Variants in SAV1 observed in about 807,000 individuals in gnomAD.
SAV1 encodes protein salvador homolog 1.
Under a neutral mutation model 47.3 loss-of-function variants are expected in SAV1, and 23 were observed. The ratio of observed to expected loss-of-function variants is 0.49; its 90% CI spans 0.35 to 0.69. The LOEUF (loss-of-function observed/expected upper bound fraction) is 0.69. SAV1 is among the 30% of genes least tolerant of loss of function. The pLI is 0.01. For synonymous variants in SAV1, 155 were observed against 159.2 expected (o/e 0.97, Z 0.20); for missense variants, 448 against 457.4 (o/e 0.98, Z 0.19).
At chr14:50,637,354 A>G (rs75804672) in intron 4 of SAV1, among the ~76,000 whole-genome samples, 1,630 of 152,316 alleles carry the variant, frequency 0.011, 27 homozygotes, top group African/African-American at 0.036. Context: ...AACATCCACC[A>G]TTCTTGTAAC....
chr14:50,640,022 C>A (rs145161273), intron 4 of SAV1, among the ~76,000 whole-genome samples: 1 of 152,202 alleles, frequency 6.6e-6, no homozygotes, highest in African/African-American at 2.4e-5. Context: ...CATGCTCTGT[C>A]ACCCAGGCTG....
At position 50,635,108 on chromosome 14, in the gene SAV1, A is replaced by C; in HGVS notation, c.*75T>G. Reference sequence around the variant, plus strand: ...AAAGGAAGCAGCATTTATTAACCAGAGTACTTGTTTGCAATTTTTTATCTG... The same window carrying C: ...AAAGGAAGCAGCATTTATTAACCAGCGTACTTGTTTGCAATTTTTTATCTG... On this transcript the variant is annotated 3_prime_UTR_variant, in exon 5 of 5. Coordinates refer to ENST00000324679, the MANE Select transcript of SAV1 (RefSeq NM_021818.4). 2.0e-6 allele frequency: 2 copies of C among 994,760 alleles called. No homozygotes were observed. The highest frequency in any genetic ancestry group is 3.1e-6 in the Non-Finnish European group (2 of 639,932). 61.6% of individuals were successfully genotyped at this position (994,760 alleles called of 1,614,324 possible).
chr14:50,651,124 A>T (rs1464614434), intron 2 of SAV1, among the ~76,000 whole-genome samples: 1 of 152,116 alleles, frequency 6.6e-6, no homozygotes, highest in Non-Finnish European at 1.5e-5. Flanking sequence ...TTCATGAGAG[A>T]TCCTGAGTCA....
At chr14:50,660,087 C>T (rs1010795088) in intron 2 of SAV1, among the ~76,000 whole-genome samples, 7 of 152,146 alleles carry the variant, frequency 4.6e-5, no homozygotes, top group African/African-American at 1.4e-4. Context: ...GACTGGTCTT[C>T]GAGATATTTT....
rs535541883 is a variant in SAV1 at position 50,639,299 on chromosome 14, C to G, written c.950+1451G>C. 2.0e-5 allele frequency among the ~76,000 whole-genome samples: 3 copies of G among 152,280 alleles called. No homozygotes were observed. The South Asian group carries it at 6.2e-4, about 32-fold the overall frequency. Reference sequence around the variant, plus strand: ...TAAAGAATTTCAGATTCTCAATTGTCTGAAAAACAAAAGGAAGAAACATGC... The same window carrying G: ...TAAAGAATTTCAGATTCTCAATTGTGTGAAAAACAAAAGGAAGAAACATGC... On this transcript the variant is annotated intron_variant, in intron 4 of 4. Coordinates refer to ENST00000324679, the MANE Select transcript of SAV1 (RefSeq NM_021818.4).
intron 2 of SAV1, among the ~76,000 whole-genome samples, chr14:50,652,864 C>T (rs1039745277): frequency 6.6e-6 from 1 of 152,146 alleles, no homozygotes; most frequent in Non-Finnish European, 1.5e-5. Context: ...AACTCCATCT[C>T]TACTGAATAT....
intron 2 of SAV1, among the ~76,000 whole-genome samples, chr14:50,663,687 C>T (rs184888921): frequency 2.8e-4 from 42 of 152,234 alleles, no homozygotes; most frequent in Non-Finnish European, 3.8e-4. Context: ...CCTAGATTTG[C>T]GTTTTCCTAT....
rs1467246204 is a variant in SAV1, at chr14:50,667,880, G to A, written c.88C>T (p.Leu30Phe). The A allele has an allele frequency of 2.5e-6, 4 of 1,612,970 alleles. No homozygotes were observed. Among genetic ancestry groups the A allele is most frequent in the Non-Finnish European group, 3.4e-6 (4 of 1,179,338 alleles). The change falls in exon 1 of 5, where the codon CTT becomes TTT. Residue 30 changes from leucine (L) to phenylalanine (F), a missense_variant. Transcript: ENST00000324679. ...CGCCCCGCCTGACACTCACTCCGAA[G>A]CAGAGGCGACGTCTCCTTCTTCACG... ...KYVKKETSPL[L>F]RNLMPSFIRH...
At chr14:50,654,652 T>C (rs566086271) in intron 2 of SAV1, among the ~76,000 whole-genome samples, 6 of 152,228 alleles carry the variant, frequency 3.9e-5, no homozygotes, top group Admixed American at 2.0e-4. Context: ...CTTCAATTTG[T>C]AAAAAACACA....
rs2039675566 is a variant in SAV1, at chr14:50,640,831, T to C, written c.869A>G (p.Gln290Arg). ...TYQPQQTERN[Q>R]SLLVPANPYH... ...TGGATTTGCAGGTACCAGAAGGGAC[T>C]GATTTCTTTCAGTTTGCTGTGGCTG... The change falls in exon 4 of 5, where the codon CAG (glutamine) becomes CGG (arginine). Residue 290 changes from glutamine to arginine, a missense_variant. Coordinates refer to ENST00000324679, the MANE Select transcript of SAV1 (RefSeq NM_021818.4). 1.9e-6 allele frequency: 3 copies of C among 1,614,010 alleles called. No homozygotes were observed. The highest frequency in any genetic ancestry group is 2.5e-6 in the Non-Finnish European group (3 of 1,179,928).
intron 3 of SAV1, among the ~76,000 whole-genome samples, chr14:50,644,353 A>G (rs1045528602): frequency 6.6e-6 from 1 of 152,238 alleles, no homozygotes. Context: ...AAATAGAATA[A>G]ACAGCAAAAT....
In SAV1 at chr14:50,637,663, A is replaced by ATTTTTTT. The variant is rs771403561; in HGVS notation, c.951-2280_951-2279insAAAAAAA. 16 of 128,772 alleles carry ATTTTTTT rather than the reference A, an allele frequency of 1.2e-4. 2 individuals carry two copies. The highest frequency in any genetic ancestry group is 2.4e-4 in the African/African-American group (7 of 29,592). 8.0% of individuals were successfully genotyped at this position (128,772 alleles called of 1,614,324 possible). A position where few individuals can be genotyped will look rare whatever the true frequency, so the allele number is the denominator to read the frequency against. On this transcript the variant is annotated intron_variant, in intron 4 of 4. Transcript: ENST00000324679. ...GAAAAAATCTTCAAACAATTTTGTCAGTTTTTTTTTTTTTTTTTTTTTTTT... is the reference window on the plus strand; with the variant it reads ...GAAAAAATCTTCAAACAATTTTGTCATTTTTTTGTTTTTTTTTTTTTTTTTTTTTTTT...
chr14:50,667,772 G>T, intron 1 of SAV1, 102 bp downstream of exon 1: 1 of 821,842 alleles, frequency 1.2e-6, no homozygotes, highest in Non-Finnish European at 2.0e-6. Flanking sequence ...ACGCGACCAA[G>T]GACGAAGGAG....
rs762505723 is a variant in SAV1 at position 50,635,425 on chromosome 14, C to T, written c.951-41G>A. On this transcript the variant is annotated intron_variant, in intron 4 of 4. Transcript: ENST00000324679. ...ATCATATATATGTTCACAACACATA[C>T]ATAAACATGTATTTCTAGCAAGAAA... 16 of 1,427,362 alleles carry T rather than the reference C, an allele frequency of 1.1e-5. No homozygotes were observed. The East Asian group carries it at 2.8e-4, about 25-fold the overall frequency. The allele number at this position is 1,427,362 out of a possible 1,614,324, so 88.4% of individuals were successfully genotyped here. A position where few individuals can be genotyped will look rare whatever the true frequency, so the allele number is the denominator to read the frequency against.
chr14:50,643,116 G>A (rs995892108), intron 3 of SAV1, among the ~76,000 whole-genome samples: 1 of 152,194 alleles, frequency 6.6e-6, no homozygotes, highest in African/African-American at 2.4e-5. Context: ...CTACATATGT[G>A]AGCTTAAGGG....
intron 3 of SAV1, 147 bp downstream of exon 3, chr14:50,644,597 A>C (rs548518110): frequency 1.3e-4 from 85 of 671,372 alleles, no homozygotes; most frequent in African/African-American, 1.2e-3. Context: ...TACTAAATGT[A>C]TGTCCAGAGA....
chr14:50,660,999 G>C (rs565492360), intron 2 of SAV1, among the ~76,000 whole-genome samples: 1 of 152,310 alleles, frequency 6.6e-6, no homozygotes, highest in East Asian at 1.9e-4. Flanking sequence ...GGATCATATG[G>C]TAGTTCTGTT....
At chr14:50,661,861 G>A (rs1190809931) in intron 2 of SAV1, among the ~76,000 whole-genome samples, 1 of 152,078 alleles carries the variant, frequency 6.6e-6, no homozygotes, top group Non-Finnish European at 1.5e-5. Context: ...CTATAACCTT[G>A]TATGTGGTTA....
chr14:50,635,086 G>A lies in SAV1; in HGVS notation c.*97C>T, dbSNP rs558573317. 3 of 793,854 alleles carry A rather than the reference G, an allele frequency of 3.8e-6. No individual in the cohort carries two copies. Among genetic ancestry groups the A allele is most frequent in the Non-Finnish European group, 6.1e-6 (3 of 495,290 alleles). 49.2% of individuals were successfully genotyped at this position (793,854 alleles called of 1,614,324 possible). A position where few individuals can be genotyped will look rare whatever the true frequency, so the allele number is the denominator to read the frequency against. On this transcript the variant is annotated 3_prime_UTR_variant, in exon 5 of 5. Transcript: ENST00000324679. Reference sequence around the variant, plus strand: ...GTTAGAATTTTATAATTTCCACAAAGGAAGCAGCATTTATTAACCAGAGTA... The same window carrying A: ...GTTAGAATTTTATAATTTCCACAAAAGAAGCAGCATTTATTAACCAGAGTA...
Sources: allele counts gnomAD v4.1 joint callset (sites outside exome capture counted in the v4.1 genomes callset), GRCh38; gene constraint gnomAD v4.1.1; transcripts MANE v1.5; gene names NCBI Gene and HGNC (gene_info 2026-07-23, HGNC 2026-07-21).